ALLC: variants seen among roughly 807,000 people sequenced by gnomAD.
The protein encoded by ALLC is allantoicase.
Under a neutral mutation model 45.0 loss-of-function variants are expected in ALLC, and 40 were observed. The ratio of observed to expected loss-of-function variants is 0.89; its 90% CI spans 0.69 to 1.16. The LOEUF (loss-of-function observed/expected upper bound fraction) is 1.16, where lower values mean the gene tolerates loss of function less well. ALLC is among the 50% of genes most tolerant of loss of function. The pLI, the probability that ALLC is intolerant of heterozygous loss-of-function variation, is 0.00. For synonymous variants in ALLC, 176 were observed against 178.1 expected, an observed-to-expected ratio of 0.99 and a Z score of 0.09; for missense variants, 488 against 493.1, an observed-to-expected ratio of 0.99 and a Z score of 0.10.
chr2:3,687,108 T>C (rs1240662160), intron 7 of ALLC, among the ~76,000 whole-genome samples: 1 of 150,946 alleles, frequency 6.6e-6, no homozygotes. Context: ...GGTAGTTTTT[T>C]TTTCTATACC....
chr2:3,692,785 G>A (rs560683398), intron 7 of ALLC, among the ~76,000 whole-genome samples: 6 of 152,274 alleles, frequency 3.9e-5, no homozygotes, highest in African/African-American at 1.4e-4. Context: ...CAGGGCTGGG[G>A]ATGTCTCACC....
intron 1 of ALLC, among the ~76,000 whole-genome samples, chr2:3,661,094 C>G (rs1462633304): frequency 6.6e-6 from 1 of 152,098 alleles, no homozygotes; most frequent in Non-Finnish European, 1.5e-5. Context: ...CATTCACAAC[C>G]CGTCCCCCTC....
chr2:3,688,231 T>G (rs1213934669), intron 7 of ALLC: 2 of 170,702 alleles, frequency 1.2e-5, no homozygotes, highest in African/African-American at 4.8e-5. Context: ...GTGTCATATT[T>G]GTCAAGTTTC....
chr2:3,678,645 A>G, intron 4 of ALLC, 90 bp downstream of exon 4: 2 of 1,018,170 alleles, frequency 2.0e-6, no homozygotes, highest in Middle Eastern at 2.3e-4. Flanking sequence ...GTTTTGGGTC[A>G]GCTTTAACAT....
At chr2:3,669,017 C>T (rs1340683687) in intron 1 of ALLC, among the ~76,000 whole-genome samples, 4 of 152,160 alleles carry the variant, frequency 2.6e-5, no homozygotes, top group Non-Finnish European at 5.9e-5. Context: ...TGCCCTCATA[C>T]ACTTCCTTCC....
the ALLC span, among the ~76,000 whole-genome samples, chr2:3,653,122 T>C: frequency 6.6e-6 from 1 of 152,170 alleles, no homozygotes; most frequent in Non-Finnish European, 1.5e-5. This position sits in a 1 kb window ranked among gnomAD's most constrained non-coding sequence, Gnocchi z 4.1. Context: ...GGCAGCAGCA[T>C]TTTGGCGCTG....
chr2:3,691,314 G>C (rs2148016505), intron 7 of ALLC, among the ~76,000 whole-genome samples: 1 of 151,502 alleles, frequency 6.6e-6, no homozygotes, highest in South Asian at 2.1e-4. Context: ...GTCCAGTGGT[G>C]CAATCACAGG....
chr2:3,700,436 T>C lies in ALLC; in HGVS notation c.851-1076T>C, dbSNP rs972283341. Reference sequence around the variant, plus strand: ...AATCCACAGTTCTCTGCATGAATGGTTTAAAATAACTTACTTATTTTTGTG... The same window carrying C: ...AATCCACAGTTCTCTGCATGAATGGCTTAAAATAACTTACTTATTTTTGTG... On this transcript the variant is annotated intron_variant, in intron 10 of 11. Transcript: ENST00000252505. Among the ~76,000 whole-genome samples the C allele has an allele frequency of 3.3e-5, 5 of 152,228 alleles. No individual in the cohort carries two copies. In the South Asian group the frequency reaches 8.3e-4, roughly 25 times the overall value.
chr2:3,694,182 C>G (rs541070312), intron 7 of ALLC, among the ~76,000 whole-genome samples: 8 of 152,192 alleles, frequency 5.3e-5, no homozygotes, highest in African/African-American at 1.9e-4. Context: ...GAGTGGAAGC[C>G]CTGCTTTTCT....
rs1028034938 is a variant in ALLC, at chr2:3,680,673, T to C, written c.298+679T>C. On this transcript the variant is annotated intron_variant, in intron 5 of 11. Transcript: ENST00000252505. The surrounding 1 kb of genome is among the most constrained non-coding windows in gnomAD (Gnocchi z 4.0). ...CGAGATGGGTAAATCTCTGCACTGT[T>C]ACTGCCCGGACTCAGGGCTCACATG... Among the ~76,000 whole-genome samples, 5 of 152,202 alleles carry C rather than the reference T, an allele frequency of 3.3e-5. No individual in the cohort carries two copies. Among genetic ancestry groups the C allele is most frequent in the African/African-American group, 1.2e-4 (5 of 41,460 alleles).
rs1017912140 is a variant in ALLC, at chr2:3,661,296, T to G, written c.-63+3002T>G. Among the ~76,000 whole-genome samples the G allele has an allele frequency of 3.9e-4, 59 of 152,162 alleles. 3 individuals are homozygous for G. On this transcript the variant is annotated intron_variant, in intron 1 of 11. Transcript: ENST00000252505. ...GCTCCTGGCTCATGGTACACACATG[T>G]TTTGAAAACCATGCCAGGCATCTGA...
rs1038609672 is a variant in ALLC at position 3,697,525 on chromosome 2, A to G, written c.850+69A>G. 3.6e-5 allele frequency: 46 copies of G among 1,288,048 alleles called. No individual in the cohort carries two copies. In the African/African-American group the frequency reaches 6.6e-4, roughly 18 times the overall value. The allele number at this position is 1,288,048 out of a possible 1,614,324, so 79.8% of individuals were successfully genotyped here. On this transcript the variant is annotated intron_variant, in intron 10 of 11. Transcript: ENST00000252505. ...TATTCTAAAGACTGAGTTCTATGGA[A>G]GTGGGACTGAGGACACTGGACTTTC...
At chr2:3,677,637 G>A (rs1667060062) in intron 3 of ALLC, among the ~76,000 whole-genome samples, 4 of 152,168 alleles carry the variant, frequency 2.6e-5, no homozygotes. Flanking sequence ...GGGAGGCTGG[G>A]CAGGTTGTCA....
intron 1 of ALLC, among the ~76,000 whole-genome samples, chr2:3,669,273 A>T (rs1388041707): frequency 6.6e-6 from 1 of 152,132 alleles, no homozygotes; most frequent in Non-Finnish European, 1.5e-5. Context: ...GGAGATGGAG[A>T]CCATCCTGGC....
rs1306777295 is a variant in ALLC at position 3,681,645 on chromosome 2, G to T, written c.310G>T (p.Glu104Ter). ...CATTCCAACTACAGATAAACTACCA[G>T]AAATCCCAGAAAGAGGAACCAGGAC... ...AANLEEDKLP[E>*]IPERGTRTGA... The change falls in exon 6 of 12, where the codon GAA (glutamate) becomes TAA (stop). Residue 104 changes from glutamate to a stop codon, truncating the protein, a stop_gained. Coordinates refer to ENST00000252505, the MANE Select transcript of ALLC (RefSeq NM_018436.4). LOFTEE classifies it high-confidence loss of function. 3 of 1,609,500 alleles carry T rather than the reference G, an allele frequency of 1.9e-6. No homozygotes were observed. In the East Asian group the frequency reaches 6.7e-5, roughly 36 times the overall value.
intron 9 of ALLC, among the ~76,000 whole-genome samples, chr2:3,696,778 G>T (rs757114186): frequency 6.6e-6 from 1 of 152,090 alleles, no homozygotes; most frequent in Non-Finnish European, 1.5e-5. Context: ...GTTTAATTTG[G>T]CCAGTAACTA....
At chr2:3,702,315 A>C (rs777545458) in intron 11 of ALLC, 48 bp from the exon 12 acceptor site, 4 of 1,572,472 alleles carry the variant, frequency 2.5e-6, no homozygotes, top group African/African-American at 1.4e-5. Context: ...ATTCGGCCAC[A>C]CATGTCCTGT....
the ALLC span, among the ~76,000 whole-genome samples, chr2:3,650,746 C>G: frequency 6.6e-6 from 1 of 152,212 alleles, no homozygotes; most frequent in East Asian, 1.9e-4. Context: ...TGGGTACCCA[C>G]TGTCACGCAG....
intron 4 of ALLC, 108 bp from the exon 5 acceptor site, chr2:3,679,761 C>G: frequency 6.8e-7 from 1 of 1,476,784 alleles, no homozygotes; most frequent in Non-Finnish European, 9.4e-7. Flanking sequence ...CTGTGATGGA[C>G]GGAATGGCCC....
Sources: gnomAD v4.1 joint callset for allele counts (sites outside exome capture counted in the v4.1 genomes callset) on GRCh38, gnomAD v4.1.1 for gene constraint, Gnocchi (gnomAD v3.1) non-coding constraint, MANE v1.5 for transcripts, NCBI Gene and HGNC (gene_info 2026-07-23, HGNC 2026-07-21) for gene names.